The following KIF2A variants were observed in gnomAD, a reference collection of about 807,000 sequenced individuals.
The protein encoded by KIF2A is kinesin-like protein KIF2A.
KIF2A carries 22 observed loss-of-function variants against 100.2 expected under a neutral mutation model. The ratio of observed to expected loss-of-function variants is 0.22; its 90% CI spans 0.16 to 0.31. The LOEUF (loss-of-function observed/expected upper bound fraction) is 0.31. KIF2A is among the 10% of genes least tolerant of loss of function. The probability of loss-of-function intolerance (pLI) is 1.00; values close to 1 mark genes in which losing one functional copy is unlikely to be tolerated. For synonymous variants in KIF2A, 268 were observed against 285.9 expected (o/e 0.94, Z 0.63); for missense variants, 495 against 898.7 (o/e 0.55, Z 5.74).
intron 13 of KIF2A, 103 bp from the exon 14 acceptor site, chr5:62,363,592 T>G (rs1740918179): frequency 6.8e-6 from 7 of 1,022,994 alleles, no homozygotes; most frequent in Non-Finnish European, 8.7e-6. Context: ...GAAAACTAGC[T>G]AAATCGATGT....
At chr5:62,324,799 A>G (rs1353589449) in intron 1 of KIF2A, among the ~76,000 whole-genome samples, 1 of 152,052 alleles carries the variant, frequency 6.6e-6, no homozygotes, top group Non-Finnish European at 1.5e-5. Flanking sequence ...CATTGGCCTT[A>G]TCAAAGAATG....
intron 1 of KIF2A, among the ~76,000 whole-genome samples, chr5:62,331,772 A>AC (rs1354417418): frequency 2.6e-5 from 4 of 151,564 alleles, no homozygotes; most frequent in South Asian, 2.1e-4. Context: ...GAAAAAAAAA[A>AC]AAACAACATA....
At chr5:62,363,382 C>G (rs956616919) in intron 13 of KIF2A, 62 bp downstream of exon 13, 1 of 1,439,658 alleles carries the variant, frequency 6.9e-7, no homozygotes, top group Admixed American at 2.3e-5. Context: ...TACAGTATAA[C>G]AAAATGAGGA....
intron 1 of KIF2A, among the ~76,000 whole-genome samples, chr5:62,333,444 G>A (rs970156416): frequency 5.9e-5 from 9 of 152,296 alleles, no homozygotes; most frequent in Admixed American, 1.3e-4. Flanking sequence ...GGAAGATGGC[G>A]ACATCAGGGG....
chr5:62,323,268 A>T lies in KIF2A; in HGVS notation c.64+16732A>T, dbSNP rs543542843. On this transcript the variant is annotated intron_variant, in intron 1 of 20. Transcript: ENST00000407818. ...AAACTCCATCTCAAAAAAAAAAAAA[A>T]TCTGAGAAAGATGGAAAAATAAATG... Among the ~76,000 whole-genome samples the T allele has an allele frequency of 9.2e-5, 14 of 151,748 alleles. 1 individual carries two copies. Among genetic ancestry groups the T allele is most frequent in the African/African-American group, 1.9e-4 (8 of 41,396 alleles).
intron 9 of KIF2A, among the ~76,000 whole-genome samples, chr5:62,360,251 A>G (rs1748332912): frequency 1.3e-5 from 2 of 151,872 alleles, no homozygotes. Context: ...CAGCCTCCCA[A>G]AGTGTTGGGA....
intron 1 of KIF2A, among the ~76,000 whole-genome samples, chr5:62,330,368 A>G (rs1052907716): frequency 6.6e-6 from 1 of 152,180 alleles, no homozygotes; most frequent in African/African-American, 2.4e-5. Flanking sequence ...AGAAAGAATA[A>G]TGGAAAACCT....
chr5:62,348,168 G>A lies in KIF2A; in HGVS notation c.279+1G>A. 1 of 1,613,494 alleles carries A rather than the reference G, an allele frequency of 6.2e-7. No individual in the cohort carries two copies. The highest frequency in any genetic ancestry group is 1.1e-5 in the South Asian group (1 of 91,080). On this transcript the variant is annotated splice_donor_variant, in intron 3 of 20. Coordinates refer to ENST00000407818, the MANE Select transcript of KIF2A (RefSeq NM_001098511.3). LOFTEE classifies it high-confidence loss of function. Reference sequence around the variant, plus strand: ...AGCCAAAGTAAACAAAATTGTAAAGGTTAGTGATGAAAATTCAGAGTGCAG... The same window carrying A: ...AGCCAAAGTAAACAAAATTGTAAAGATTAGTGATGAAAATTCAGAGTGCAG...
At chr5:62,317,528 A>G (rs1745876469) in intron 1 of KIF2A, among the ~76,000 whole-genome samples, 3 of 152,208 alleles carry the variant, frequency 2.0e-5, no homozygotes, top group Non-Finnish European at 4.4e-5. Flanking sequence ...AGCAAATCTG[A>G]GATTAGAACA....
At position 62,331,890 on chromosome 5, in the gene KIF2A, T is replaced by A. The variant is rs544826020; in HGVS notation, c.65-15240T>A. On this transcript the variant is annotated intron_variant, in intron 1 of 20. Transcript: ENST00000407818. ...TTTTGTATTTTTCCTAACGTTCTAC[T>A]ACTATATTTTCTTAATAAAATACAT... Among the ~76,000 whole-genome samples the A allele has an allele frequency of 1.1e-4, 16 of 152,344 alleles. No individual in the cohort carries two copies. In the South Asian group the frequency reaches 3.3e-3, roughly 32 times the overall value.
In KIF2A at chr5:62,389,197, C is replaced by T. The variant is rs926004523; in HGVS notation, c.*3628C>T. The T allele has an allele frequency of 5.8e-6, 4 of 693,730 alleles. No individual in the cohort carries two copies. The highest frequency in any genetic ancestry group is 9.3e-6 in the Non-Finnish European group (4 of 429,490). The allele number at this position is 693,730 out of a possible 1,614,324, so 43.0% of individuals were successfully genotyped here. A position where few individuals can be genotyped will look rare whatever the true frequency, so the allele number is the denominator to read the frequency against. ...CTCCTAATACTAGTTATTAAAGAAA[C>T]GTTACTGGCTGGGCGCAGTGGCTTA... is the stretch of plus-strand genomic sequence containing the variant. On this transcript the variant is annotated 3_prime_UTR_variant, in exon 21 of 21. Coordinates refer to ENST00000407818, the MANE Select transcript of KIF2A (RefSeq NM_001098511.3).
intron 1 of KIF2A, among the ~76,000 whole-genome samples, chr5:62,341,709 C>T (rs1429325249): frequency 1.3e-5 from 2 of 151,848 alleles, no homozygotes; most frequent in African/African-American, 2.4e-5. Flanking sequence ...TTTGCTCCAC[C>T]GGCCCACCTT....
intron 1 of KIF2A, among the ~76,000 whole-genome samples, chr5:62,340,641 T>C (rs1374616681): frequency 6.6e-6 from 1 of 152,250 alleles, no homozygotes; most frequent in East Asian, 1.9e-4. Flanking sequence ...CTTCTTGTTA[T>C]GCCTGTATGT....
intron 4 of KIF2A, among the ~76,000 whole-genome samples, chr5:62,351,354 GAGAA>G (rs1747848251): frequency 6.6e-6 from 1 of 152,218 alleles, no homozygotes; most frequent in East Asian, 1.9e-4. Context: ...AGAATATTAT[GAGAA>G]AGAAAGGAAT....
intron 12 of KIF2A, among the ~76,000 whole-genome samples, chr5:62,362,884 T>C (rs1226573707): frequency 2.0e-5 from 3 of 152,214 alleles, no homozygotes; most frequent in African/African-American, 7.2e-5. Context: ...TGGAGTGCAG[T>C]GGCATGATCA....
intron 18 of KIF2A, among the ~76,000 whole-genome samples, chr5:62,376,216 CT>C (rs1741534342): frequency 1.3e-5 from 2 of 152,132 alleles, no homozygotes; most frequent in Admixed American, 1.3e-4. Flanking sequence ...TTTTTACAGC[CT>C]CCATGTTTGA....
intron 1 of KIF2A, among the ~76,000 whole-genome samples, chr5:62,316,183 C>T (rs1037917655): frequency 1.3e-5 from 2 of 152,150 alleles, no homozygotes; most frequent in Non-Finnish European, 2.9e-5. Flanking sequence ...TACATGTTTA[C>T]CTGCAATGGG....
chr5:62,372,523 T>C lies in KIF2A; in HGVS notation c.1732T>C (p.Tyr578His), dbSNP rs761049749. The change falls in exon 17 of 21, where the codon TAT becomes CAT. Residue 578 changes from tyrosine (Y) to histidine (H), a missense_variant. Transcript: ENST00000407818. ...SRPDLSPSYE[Y>H]DDFSPSVTRV... ...CCCTGATCTCTCTCCTTCTTATGAA[T>C]ATGACGACTTTTCTCCTTCAGTTAC... 1 of 1,609,072 alleles carries C rather than the reference T, an allele frequency of 6.2e-7. No homozygotes were observed. Among genetic ancestry groups the C allele is most frequent in the African/African-American group, 1.3e-5 (1 of 74,968 alleles).
chr5:62,371,260 G>GA (rs887755880), intron 16 of KIF2A, among the ~76,000 whole-genome samples: 20 of 151,272 alleles, frequency 1.3e-4, no homozygotes, highest in South Asian at 2.1e-4. Flanking sequence ...TCTCAAAAAG[G>GA]AAAAAAAACA....
Sources: allele counts gnomAD v4.1 joint callset (sites outside exome capture counted in the v4.1 genomes callset), GRCh38; gene constraint gnomAD v4.1.1; transcripts MANE v1.5; gene names NCBI Gene and HGNC (gene_info 2026-07-23, HGNC 2026-07-21).